RADIL: variants seen among roughly 807,000 people sequenced by gnomAD.
RADIL encodes ras-associating and dilute domain-containing protein.
RADIL carries 99 observed loss-of-function variants against 97.6 expected under a neutral mutation model. That is an observed-to-expected ratio of 1.01 (90% CI 0.86 to 1.20). RADIL has a LOEUF of 1.20. Ranked by LOEUF, RADIL falls within the 50% of genes most tolerant of loss-of-function variation. The pLI is 0.00. For synonymous variants in RADIL, 803 were observed against 691.8 expected, an observed-to-expected ratio of 1.16 and a Z score of -2.52; for missense variants, 1,765 against 1,498.9, an observed-to-expected ratio of 1.18 and a Z score of -2.93.
chr7:4,848,269 C>T (rs1281364130), intron 2 of RADIL, among the ~76,000 whole-genome samples: 1 of 150,348 alleles, frequency 6.7e-6, no homozygotes, highest in Non-Finnish European at 1.5e-5. Context: ...GATCACACAA[C>T]TTTGTAAATT....
In RADIL at chr7:4,817,954, G is replaced by A. The variant is rs558454814; in HGVS notation, c.1616-603C>T. On this transcript the variant is annotated intron_variant, in intron 6 of 14. Transcript: ENST00000399583. This position sits in a 1 kb window ranked among gnomAD's most constrained non-coding sequence, Gnocchi z 8.3. ...CCCCCAACAGGGTGGAGCCTTCCCC[G>A]GGGGCTTCCAGAAAGTGAGGGAGCA... 4.5e-4 allele frequency among the ~76,000 whole-genome samples: 69 copies of A among 152,216 alleles called. No homozygotes were observed. The highest frequency in any genetic ancestry group is 1.5e-3 in the African/African-American group (63 of 41,460).
chr7:4,848,130 G>T (rs1783620118), intron 2 of RADIL, among the ~76,000 whole-genome samples: 1 of 151,456 alleles, frequency 6.6e-6, no homozygotes, highest in Admixed American at 6.6e-5. Flanking sequence ...CTGGGAGATG[G>T]TGGAGGTTGC....
At chr7:4,870,649 G>C (rs1428043358) in intron 2 of RADIL, among the ~76,000 whole-genome samples, 1 of 151,990 alleles carries the variant, frequency 6.6e-6, no homozygotes, top group African/African-American at 2.4e-5. Context: ...TCACCATGTT[G>C]GCCAGGCTGG....
intron 9 of RADIL, among the ~76,000 whole-genome samples, chr7:4,807,855 C>T (rs371055450): frequency 2.5e-5 from 1 of 40,046 alleles, no homozygotes; most frequent in South Asian, 1.3e-3. Context: ...TCTCTCCCCT[C>T]CCTGCCTCTC....
chr7:4,830,423 T>C (rs1038680654), intron 5 of RADIL, among the ~76,000 whole-genome samples: 15 of 152,174 alleles, frequency 9.9e-5, no homozygotes, highest in Non-Finnish European at 1.8e-4. Flanking sequence ...AGGGTAGAGA[T>C]AGTGCTTTCT....
At chr7:4,863,085 T>A (rs1432163107) in intron 2 of RADIL, among the ~76,000 whole-genome samples, 1 of 152,058 alleles carries the variant, frequency 6.6e-6, no homozygotes, top group East Asian at 1.9e-4. Context: ...GTCAACCTTC[T>A]CACTCTGTCC....
At chr7:4,836,869 C>T (rs765817339) in intron 2 of RADIL, among the ~76,000 whole-genome samples, 10 of 152,060 alleles carry the variant, frequency 6.6e-5, no homozygotes, top group East Asian at 1.9e-4. Flanking sequence ...ACCCAGGAGG[C>T]GGAGGTGGCA....
chr7:4,829,858 AT>A (rs1422679326), intron 5 of RADIL, among the ~76,000 whole-genome samples: 1 of 114,974 alleles, frequency 8.7e-6, no homozygotes, highest in Non-Finnish European at 2.1e-5. Flanking sequence ...CTGTGAGCCC[AT>A]TAAACCTGTT....
rs1338122989 is a variant in RADIL, at chr7:4,797,950, G to A, written c.*1428C>T. On this transcript the variant is annotated 3_prime_UTR_variant, in exon 15 of 15. Coordinates refer to ENST00000399583, the MANE Select transcript of RADIL (RefSeq NM_018059.5). The stretch of plus-strand genomic sequence containing the variant: ...GATTGCACCACTGCACTCCAGCCTG[G>A]GTCACAGAGCGAGACTCCGTCTCAT... 1.3e-5 allele frequency: 2 copies of A among 151,242 alleles called. No homozygotes were observed. Among genetic ancestry groups the A allele is most frequent in the African/African-American group, 4.9e-5 (2 of 41,088 alleles). The allele number at this position is 151,242 out of a possible 1,614,324, so 9.4% of individuals were successfully genotyped here.
At chr7:4,799,588 G>T (rs1447641329) in intron 14 of RADIL, 42 bp downstream of exon 14, 2 of 1,606,644 alleles carry the variant, frequency 1.2e-6, no homozygotes, top group Middle Eastern at 1.7e-4. Context: ...CCTGAGCAGG[G>T]CATCTGGGAG....
intron 1 of RADIL, among the ~76,000 whole-genome samples, chr7:4,881,220 C>A (rs1483383349): frequency 7.0e-6 from 1 of 143,210 alleles, no homozygotes; most frequent in Non-Finnish European, 1.5e-5. Flanking sequence ...TCGAGACCAT[C>A]CTGGCTAACA....
chr7:4,813,138 A>G lies in RADIL; in HGVS notation c.2139+2140T>C, dbSNP rs1160482125. The stretch of plus-strand genomic sequence containing the variant: ...CTTTCTTTTCTTTCTTTCATAGTTG[A>G]GGTCTTCCTCTGTTGCCCAGGCTGG... On this transcript the variant is annotated intron_variant, in intron 9 of 14. Transcript: ENST00000399583. This position sits in a 1 kb window ranked among gnomAD's most constrained non-coding sequence, Gnocchi z 5.0. Among the ~76,000 whole-genome samples, 1 of 144,254 alleles carries G rather than the reference A, an allele frequency of 6.9e-6. No homozygotes were observed. The highest frequency in any genetic ancestry group is 7.1e-5 in the Admixed American group (1 of 14,136). 94.6% of individuals were successfully genotyped at this position (144,254 alleles called of 152,430 possible). A position where few individuals can be genotyped will look rare whatever the true frequency, so the allele number is the denominator to read the frequency against.
In RADIL at chr7:4,800,167, TCA is replaced by T; in HGVS notation, c.2982+2_2982+3del. The T allele has an allele frequency of 6.2e-7, 1 of 1,604,254 alleles. No individual in the cohort carries two copies. ...GGGTGCGGCGAGGGTCCTGGGCCAC[TCA>T]CCATCCCGTCGATCAGGCCCATCCC... On this transcript the variant is annotated splice_donor_variant and splice_donor_region_variant and intron_variant, in intron 13 of 14. Coordinates refer to ENST00000399583, the MANE Select transcript of RADIL (RefSeq NM_018059.5). LOFTEE classifies it high-confidence loss of function.
At chr7:4,809,273 G>A in intron 9 of RADIL, 1 of 985,368 alleles carries the variant, frequency 1.0e-6, no homozygotes, top group Non-Finnish European at 1.2e-6. Flanking sequence ...AGAGGCCGGG[G>A]CCCCCCTTCC....
At position 4,850,490 on chromosome 7, in the gene RADIL, C is replaced by T. The variant is rs532014719; in HGVS notation, c.536-13885G>A. Among the ~76,000 whole-genome samples the T allele has an allele frequency of 3.3e-5, 5 of 152,332 alleles. No homozygotes were observed. In the South Asian group the frequency reaches 1.0e-3, roughly 32 times the overall value. ...TTATTTGCTGGGCCGAACCTAATTA[C>T]GTGTGCTCCTTCAAAGCCCAGAGTT... is the stretch of plus-strand genomic sequence containing the variant. On this transcript the variant is annotated intron_variant, in intron 2 of 14. Transcript: ENST00000399583.
At chr7:4,838,558 A>G (rs1434747813) in intron 2 of RADIL, among the ~76,000 whole-genome samples, 1 of 152,088 alleles carries the variant, frequency 6.6e-6, no homozygotes, top group African/African-American at 2.4e-5. Context: ...TCCTCCAGGC[A>G]AGGCTCCACA....
At chr7:4,845,368 T>C (rs1783542630) in intron 2 of RADIL, among the ~76,000 whole-genome samples, 1 of 152,154 alleles carries the variant, frequency 6.6e-6, no homozygotes, top group Admixed American at 6.5e-5. Flanking sequence ...CAGTGAGCTA[T>C]GATTGTGCCA....
chr7:4,801,896 G>T lies in RADIL; in HGVS notation c.2599C>A (p.Arg867Ser). The change falls in exon 12 of 15, where the codon CGT becomes AGT. Residue 867 changes from arginine to serine, a missense_variant. Arg to Ser is a moderately radical substitution (Grantham distance 110, BLOSUM62 -1). Transcript: ENST00000399583. ...GGAGCCCCCCTCAAGGGAAGAGTAC[G>T]CTCCGGGGCCACTTCCCGGGCTGCT... ...GPAAREVAPE[R>S]TLPLRGAPWA... 6.3e-7 allele frequency: 1 copy of T among 1,577,240 alleles called. No homozygotes were observed. The highest frequency in any genetic ancestry group is 8.6e-7 in the Non-Finnish European group (1 of 1,162,224).
Position 4,817,652 on chromosome 7 carries a change from G to T in RADIL, c.1616-301C>A, listed in dbSNP as rs933471583. ...TCATTCACTCCCACGTTCTGGATAC[G>T]TTTTCTGTTACAACCAACTGCACCC... is the stretch of plus-strand genomic sequence containing the variant. On this transcript the variant is annotated intron_variant, in intron 6 of 14. Coordinates refer to ENST00000399583, the MANE Select transcript of RADIL (RefSeq NM_018059.5). This position sits in a 1 kb window ranked among gnomAD's most constrained non-coding sequence, Gnocchi z 8.3. Among the ~76,000 whole-genome samples, 1 of 152,128 alleles carries T rather than the reference G, an allele frequency of 6.6e-6. No individual in the cohort carries two copies. The highest frequency in any genetic ancestry group is 2.4e-5 in the African/African-American group (1 of 41,426).
Sources: allele counts gnomAD v4.1 joint callset (sites outside exome capture counted in the v4.1 genomes callset), GRCh38; gene constraint gnomAD v4.1.1; non-coding constraint Gnocchi (gnomAD v3.1); transcripts MANE v1.5; gene names NCBI Gene and HGNC (gene_info 2026-07-23, HGNC 2026-07-21).